The following CDKL5 variants were observed in gnomAD, a reference collection of about 807,000 sequenced individuals.
CDKL5 encodes the protein cyclin dependent kinase like 5.
Under a neutral mutation model 61.7 loss-of-function variants are expected in CDKL5, and 8 were observed. The ratio of observed to expected loss-of-function variants is 0.13; its 90% CI spans 0.08 to 0.23. CDKL5 has a LOEUF of 0.23. Among genes scored for constraint, CDKL5 ranks in the 10% least tolerant of loss-of-function variants. The probability of loss-of-function intolerance (pLI) is 1.00; values close to 1 mark genes in which losing one functional copy is unlikely to be tolerated. For missense variants in CDKL5, 440 were observed against 734.5 expected (o/e 0.60, Z 4.63); for synonymous variants, 275 against 272.3 (o/e 1.01, Z -0.10).
At chrX:18,600,088 A>G (rs748347506) in intron 11 of CDKL5, among the ~76,000 whole-genome samples, 11 of 112,091 alleles carry the variant, frequency 9.8e-5, no homozygotes, top group Non-Finnish European at 1.9e-4. Context: ...GTGAGCCACC[A>G]CACCTGGCCA....
chrX:18,607,522 T>C lies in CDKL5; in HGVS notation c.1945-1289T>C, dbSNP rs1169840093. Among the ~76,000 whole-genome samples the C allele has an allele frequency of 4.4e-5, 5 of 112,389 alleles. No individual in the cohort carries two copies. In the East Asian group the frequency reaches 1.4e-3, roughly 31 times the overall value. ...AGGAAAAGAATTTTTGTGAACATGG[T>C]GGTCATAAACGAATTATAAACAGTT... is the stretch of plus-strand genomic sequence containing the variant. On this transcript the variant is annotated intron_variant, in intron 12 of 17. Coordinates refer to ENST00000623535, the MANE Select transcript of CDKL5 (RefSeq NM_001323289.2).
intron 4 of CDKL5, among the ~76,000 whole-genome samples, chrX:18,565,133 G>A (rs1259565364): frequency 8.9e-6 from 1 of 112,008 alleles, no homozygotes; most frequent in Non-Finnish European, 1.9e-5. Flanking sequence ...TTAAAATAAT[G>A]CATTTCAGTA....
At chrX:18,624,200 A>G (rs886560216) in intron 16 of CDKL5, among the ~76,000 whole-genome samples, 4 of 112,416 alleles carry the variant, frequency 3.6e-5, no homozygotes, top group African/African-American at 9.7e-5. Context: ...CACAAAGTCT[A>G]TTAAGCAAAC....
chrX:18,606,226 A>G (rs1178243891), intron 12 of CDKL5, among the ~76,000 whole-genome samples: 2 of 111,287 alleles, frequency 1.8e-5, no homozygotes, highest in Admixed American at 9.6e-5. Context: ...ACAATGAAAT[A>G]AGTAAGACCT....
intron 3 of CDKL5, among the ~76,000 whole-genome samples, chrX:18,539,922 C>CCT (rs1410590050): frequency 9.0e-6 from 1 of 111,345 alleles, no homozygotes; most frequent in Non-Finnish European, 1.9e-5. Context: ...CTCCTTTAGA[C>CCT]CCTTTTGCCC....
chrX:18,456,670 A>G (rs1010435042), intron 1 of CDKL5, among the ~76,000 whole-genome samples: 7 of 111,798 alleles, frequency 6.3e-5, no homozygotes, highest in Admixed American at 5.7e-4. Flanking sequence ...AATGGTAACA[A>G]TAATTAGGAT....
intron 1 of CDKL5, among the ~76,000 whole-genome samples, chrX:18,433,236 A>AG (rs1555929671): frequency 9.3e-6 from 1 of 107,420 alleles, no homozygotes; most frequent in Non-Finnish European, 1.9e-5. Flanking sequence ...CTCAAAAAAA[A>AG]AAAAGAAAAG....
intron 1 of CDKL5, among the ~76,000 whole-genome samples, chrX:18,436,324 C>G (rs910024779): frequency 4.5e-5 from 5 of 110,000 alleles, no homozygotes; most frequent in African/African-American, 1.7e-4. Context: ...GGGAGGCACA[C>G]TCAGTGTAAT....
Position 18,473,210 on chromosome X carries a change from C to T in CDKL5, c.-162-33725C>T, listed in dbSNP as rs777319134. Among the ~76,000 whole-genome samples, 6 of 110,458 alleles carry T rather than the reference C, an allele frequency of 5.4e-5. No homozygotes were observed. In the South Asian group the frequency reaches 2.3e-3, roughly 43 times the overall value. On this transcript the variant is annotated intron_variant, in intron 1 of 17. Transcript: ENST00000623535. ...CTGACTTGAAGTGATCCATCCGCCT[C>T]GGCCTCCCAAAGTGCTGGAATTACA...
intron 1 of CDKL5, among the ~76,000 whole-genome samples, chrX:18,468,011 T>C (rs1920978292): frequency 1.8e-5 from 2 of 112,258 alleles, no homozygotes; most frequent in African/African-American, 6.5e-5. Flanking sequence ...ATTAAAAAAA[T>C]AATTTTAGTA....
intron 1 of CDKL5, among the ~76,000 whole-genome samples, chrX:18,493,377 T>C (rs1773143079): frequency 8.9e-6 from 1 of 112,251 alleles, no homozygotes; most frequent in Admixed American, 9.4e-5. Context: ...TCTCAAAACA[T>C]TGAATGATTG....
At chrX:18,495,627 C>T (rs919568630) in intron 1 of CDKL5, among the ~76,000 whole-genome samples, 4 of 111,829 alleles carry the variant, frequency 3.6e-5, no homozygotes, top group Non-Finnish European at 7.5e-5. Flanking sequence ...CCCTTCCTGC[C>T]TCTTGCGAGG....
At chrX:18,523,922 T>A (rs1422089396) in intron 3 of CDKL5, among the ~76,000 whole-genome samples, 1 of 112,178 alleles carries the variant, frequency 8.9e-6, no homozygotes, top group African/African-American at 3.2e-5. Flanking sequence ...CTGGTTTTTG[T>A]GTTTTGATCT....
chrX:18,614,023 A>G (rs981929161), intron 15 of CDKL5, among the ~76,000 whole-genome samples: 1 of 111,927 alleles, frequency 8.9e-6, no homozygotes, highest in African/African-American at 3.2e-5. Flanking sequence ...CTTCTTCTCA[A>G]CTACCCTGAA....
At chrX:18,492,270 C>G (rs1322223796) in intron 1 of CDKL5, among the ~76,000 whole-genome samples, 5 of 111,058 alleles carry the variant, frequency 4.5e-5, no homozygotes, top group Non-Finnish European at 9.4e-5. Context: ...ATTTGTGTTT[C>G]TTTTTCTCTG....
chrX:18,439,044 T>TCCC (rs1569182824), intron 1 of CDKL5, among the ~76,000 whole-genome samples: 2 of 11,514 alleles, frequency 1.7e-4, no homozygotes, highest in Non-Finnish European at 2.4e-4. Flanking sequence ...TGCCCCTTTT[T>TCCC]GCCCCCCCCC....
chrX:18,587,912 A>G lies in CDKL5; in HGVS notation c.555-42A>G, dbSNP rs749196725. The stretch of plus-strand genomic sequence containing the variant: ...AATTTGGAAATTATCAAAACATTAT[A>G]TTTTTTCAGTTGCCAAAATAATCTC... On this transcript the variant is annotated intron_variant, in intron 8 of 17. Transcript: ENST00000623535. 16 of 1,124,253 alleles carry G rather than the reference A, an allele frequency of 1.4e-5. No individual in the cohort carries two copies. The African/African-American group carries it at 2.5e-4, about 18-fold the overall frequency. 92.7% of individuals were successfully genotyped at this position (1,124,253 alleles called of 1,213,427 possible). A position where few individuals can be genotyped will look rare whatever the true frequency, so the allele number is the denominator to read the frequency against.
At chrX:18,589,262 G>T (rs1302800091) in intron 9 of CDKL5, 1 of 110,441 alleles carries the variant, frequency 9.1e-6, no homozygotes, top group Non-Finnish European at 1.9e-5. Flanking sequence ...ATTTACATTA[G>T]GTATATCTCC....
intron 19 of CDKL5, chrX:18,645,895 A>G (rs1252083321): frequency 3.4e-6 from 4 of 1,161,368 alleles, no homozygotes; most frequent in Non-Finnish European, 4.6e-6. Context: ...GGGCCCCCTA[A>G]CCAAACTCTG....
Sources: gnomAD v4.1 joint callset for allele counts (sites outside exome capture counted in the v4.1 genomes callset) on GRCh38, gnomAD v4.1.1 for gene constraint, MANE v1.5 for transcripts, NCBI Gene and HGNC (gene_info 2026-07-23, HGNC 2026-07-21) for gene names.